The following RNF13 variants were observed in gnomAD, a reference collection of about 807,000 sequenced individuals.
RNF13 encodes the protein ring finger protein 13.
Under a neutral mutation model 37.7 loss-of-function variants are expected in RNF13, and 19 were observed. The ratio of observed to expected loss-of-function variants is 0.50; its 90% confidence interval spans 0.35 to 0.74. The LOEUF is 0.74. Among genes scored for constraint, RNF13 ranks in the 30% least tolerant of loss-of-function variants. The pLI, the probability that RNF13 is intolerant of heterozygous loss-of-function variation, is 0.01. For synonymous variants in RNF13, 144 were observed against 157.8 expected, an observed-to-expected ratio of 0.91 and a Z score of 0.65; for missense variants, 375 against 453.0, an observed-to-expected ratio of 0.83 and a Z score of 1.56.
At chr3:149,890,410 C>G (rs1714573641) in intron 4 of RNF13, among the ~76,000 whole-genome samples, 1 of 152,136 alleles carries the variant, frequency 6.6e-6, no homozygotes, top group Non-Finnish European at 1.5e-5. Flanking sequence ...TCTCTTCTCA[C>G]TTCTGACTGT....
intron 3 of RNF13, among the ~76,000 whole-genome samples, chr3:149,868,673 C>T (rs1711622743): frequency 6.6e-6 from 1 of 151,200 alleles, no homozygotes; most frequent in South Asian, 2.1e-4. Context: ...TTATTCCACT[C>T]CCTCCTGGCT....
At chr3:149,913,693 A>G (rs1048479691) in intron 7 of RNF13, among the ~76,000 whole-genome samples, 3 of 152,100 alleles carry the variant, frequency 2.0e-5, no homozygotes, top group Non-Finnish European at 4.4e-5. Flanking sequence ...ATGTCTCTCA[A>G]CCTGATTTTT....
At chr3:149,869,535 G>T (rs1711757769) in intron 3 of RNF13, among the ~76,000 whole-genome samples, 1 of 151,502 alleles carries the variant, frequency 6.6e-6, no homozygotes, top group Non-Finnish European at 1.5e-5. Flanking sequence ...GAACCCGGGA[G>T]GCGGAGCTTG....
intron 1 of RNF13, among the ~76,000 whole-genome samples, chr3:149,832,064 A>G (rs1186540177): frequency 1.3e-5 from 2 of 152,206 alleles, no homozygotes; most frequent in Admixed American, 6.5e-5. Context: ...AGTGCTTGGT[A>G]CAGTATATAT....
chr3:149,958,583 C>G (rs1031037363), intron 8 of RNF13, among the ~76,000 whole-genome samples: 1 of 152,204 alleles, frequency 6.6e-6, no homozygotes, highest in Admixed American at 6.5e-5. Flanking sequence ...TGTTCAGCTA[C>G]ATTAACTGTT....
At chr3:149,840,599 T>C (rs972448756) in intron 1 of RNF13, among the ~76,000 whole-genome samples, 5 of 152,180 alleles carry the variant, frequency 3.3e-5, no homozygotes, top group Non-Finnish European at 7.3e-5. Context: ...AACAGTACTT[T>C]ACTGTGGTCC....
At chr3:149,920,790 CTT>C (rs34551883) in intron 7 of RNF13, among the ~76,000 whole-genome samples, 9 of 124,022 alleles carry the variant, frequency 7.3e-5, no homozygotes, top group South Asian at 2.6e-4. Flanking sequence ...CCTTCCCATT[CTT>C]TTTTTTTTTT....
chr3:149,895,445 ATTTTTTTT>A lies in RNF13; in HGVS notation c.322-17_322-10del. The A allele has an allele frequency of 6.3e-6, 7 of 1,102,640 alleles. No individual in the cohort carries two copies. The highest frequency in any genetic ancestry group is 5.2e-5 in the East Asian group (2 of 38,790). 68.3% of individuals were successfully genotyped at this position (1,102,640 alleles called of 1,614,324 possible). On this transcript the variant is annotated intron_variant, in intron 4 of 9. Coordinates refer to ENST00000392894, the MANE Select transcript of RNF13 (RefSeq NM_183381.3). ...AAACCACTGTCTTCCTTATAACATA[ATTTTTTTT>A]TTTTTTTTTTGCTTTGCAGGTTTTA...
chr3:149,925,963 T>TA (rs762468295), intron 8 of RNF13, among the ~76,000 whole-genome samples: 4 of 152,212 alleles, frequency 2.6e-5, no homozygotes, highest in Non-Finnish European at 4.4e-5. Flanking sequence ...GCAATGAGGT[T>TA]AAATATCTGT....
At chr3:149,866,725 G>A (rs928931420) in intron 3 of RNF13, among the ~76,000 whole-genome samples, 12 of 152,056 alleles carry the variant, frequency 7.9e-5, no homozygotes, top group African/African-American at 2.9e-4. Context: ...ATATATTTTA[G>A]TATGTAGTAG....
At chr3:149,858,610 C>T (rs900951448) in intron 3 of RNF13, among the ~76,000 whole-genome samples, 13 of 152,264 alleles carry the variant, frequency 8.5e-5, no homozygotes, top group African/African-American at 2.9e-4. Flanking sequence ...TCCATATATA[C>T]TGTGTTTTGT....
At chr3:149,931,776 T>C (rs1219555209) in intron 8 of RNF13, among the ~76,000 whole-genome samples, 7 of 152,208 alleles carry the variant, frequency 4.6e-5, no homozygotes, top group Admixed American at 3.9e-4. Flanking sequence ...TACCATACTA[T>C]CAAAAACTAG....
At chr3:149,894,915 A>G (rs1419030987) in intron 4 of RNF13, among the ~76,000 whole-genome samples, 2 of 152,110 alleles carry the variant, frequency 1.3e-5, no homozygotes, top group Non-Finnish European at 2.9e-5. Flanking sequence ...CACACATCCA[A>G]CTATATTCTT....
chr3:149,925,718 A>T (rs1013981560), intron 8 of RNF13, among the ~76,000 whole-genome samples: 1 of 152,116 alleles, frequency 6.6e-6, no homozygotes, highest in African/African-American at 2.4e-5. Context: ...TTTCTTTAGC[A>T]TATATACCTA....
chr3:149,821,300 A>G (rs1291310385), intron 1 of RNF13, among the ~76,000 whole-genome samples: 1 of 152,092 alleles, frequency 6.6e-6, no homozygotes, highest in Non-Finnish European at 1.5e-5. Context: ...GAGGGTTCCA[A>G]TTTCCCTACA....
At chr3:149,858,264 A>G (rs1417244838) in intron 3 of RNF13, among the ~76,000 whole-genome samples, 1 of 152,226 alleles carries the variant, frequency 6.6e-6, no homozygotes, top group Non-Finnish European at 1.5e-5. Flanking sequence ...AACACAAAAT[A>G]GACCAAGACA....
At chr3:149,835,667 T>TGTGTGTGTGTGTGTGTTTG (rs1218091872) in intron 1 of RNF13, among the ~76,000 whole-genome samples, 2 of 87,996 alleles carry the variant, frequency 2.3e-5, no homozygotes, top group African/African-American at 7.9e-5. Context: ...GTGTGTGTGT[T>TGTGTGTGTGTGTGTGTTTG]TGTGTGTGTG....
intron 1 of RNF13, among the ~76,000 whole-genome samples, chr3:149,822,842 G>C (rs1187685515): frequency 6.6e-6 from 1 of 152,108 alleles, no homozygotes; most frequent in Non-Finnish European, 1.5e-5. Context: ...TTATCGCAGA[G>C]TCTGGTACAG....
At chr3:149,905,660 AC>A (rs1716310664) in intron 6 of RNF13, among the ~76,000 whole-genome samples, 1 of 151,582 alleles carries the variant, frequency 6.6e-6, no homozygotes, top group African/African-American at 2.4e-5. Context: ...CCACATTTAT[AC>A]TTGTATGGTT....
Sources: gnomAD v4.1 joint callset for allele counts (sites outside exome capture counted in the v4.1 genomes callset) on GRCh38, gnomAD v4.1.1 for gene constraint, MANE v1.5 for transcripts, NCBI Gene and HGNC (gene_info 2026-07-23, HGNC 2026-07-21) for gene names.